The following DCDC1 variants were observed in gnomAD, a reference collection of about 807,000 sequenced individuals.
DCDC1 encodes the protein doublecortin domain containing 1, also known as doublecortin domain-containing protein 1.
A neutral mutation model predicts 178.3 loss-of-function variants in DCDC1; 200 were observed. That is an observed-to-expected ratio of 1.12 (90% CI 1.00 to 1.26). The LOEUF (loss-of-function observed/expected upper bound fraction) is 1.26, where lower values mean the gene tolerates loss of function less well. DCDC1 is among the 50% of genes most tolerant of loss of function. The pLI, the probability that DCDC1 is intolerant of heterozygous loss-of-function variation, is 0.00. For missense variants in DCDC1, 1,983 were observed against 1,749.2 expected, an observed-to-expected ratio of 1.13 and a Z score of -2.38; for synonymous variants, 690 against 604.8, an observed-to-expected ratio of 1.14 and a Z score of -2.07.
chr11:31,041,733 A>T (rs1459238073), intron 20 of DCDC1, among the ~76,000 whole-genome samples: 1 of 152,172 alleles, frequency 6.6e-6, no homozygotes, highest in Non-Finnish European at 1.5e-5. Flanking sequence ...ACACAAGAGA[A>T]AAAGAGATTT....
intron 20 of DCDC1, among the ~76,000 whole-genome samples, chr11:30,989,992 T>TA (rs1036109865): frequency 6.6e-5 from 10 of 152,014 alleles, no homozygotes; most frequent in African/African-American, 2.4e-4. Flanking sequence ...CCAAAACACT[T>TA]AGACTGGAAA....
intron 20 of DCDC1, among the ~76,000 whole-genome samples, chr11:31,056,972 C>T (rs1468347874): frequency 6.6e-6 from 1 of 152,000 alleles, no homozygotes; most frequent in Non-Finnish European, 1.5e-5. Flanking sequence ...TGGTGCATAC[C>T]TATAATTCCA....
rs1565274769 is a variant in DCDC1 at position 31,094,171 on chromosome 11, A to G, written c.1997T>C (p.Ile666Thr). 1.3e-6 allele frequency: 1 copy of G among 766,114 alleles called. No individual in the cohort carries two copies. 47.5% of individuals were successfully genotyped at this position (766,114 alleles called of 1,614,324 possible). A position where few individuals can be genotyped will look rare whatever the true frequency, so the allele number is the denominator to read the frequency against. Residue 666 changes from isoleucine to threonine, a missense_variant, in exon 16 of 39, where the codon ATT becomes ACT. Transcript: ENST00000684477. ...AATGGAAACAGAGGCATGAAGGACA[A>G]TATTGGGATCTACCTGTATCATAAG... ...HFLQNKVDPN[I>T]VLHASVSIGK...
chr11:30,956,306 G>A (rs1948769809), intron 20 of DCDC1, among the ~76,000 whole-genome samples: 1 of 152,128 alleles, frequency 6.6e-6, no homozygotes, highest in Admixed American at 6.5e-5. Context: ...AAAGTGCAAG[G>A]ATTATAGGCA....
chr11:30,880,674 C>T (rs559414229), intron 37 of DCDC1, among the ~76,000 whole-genome samples: 2 of 152,138 alleles, frequency 1.3e-5, no homozygotes, highest in Non-Finnish European at 2.9e-5. Flanking sequence ...CATTCAATAA[C>T]AAATATATGT....
At chr11:31,094,745 G>A (rs1363003440) in intron 15 of DCDC1, among the ~76,000 whole-genome samples, 1 of 152,102 alleles carries the variant, frequency 6.6e-6, no homozygotes, top group Admixed American at 6.6e-5. Context: ...AAAGTGTCAA[G>A]TGCAAAGCTA....
In DCDC1 at chr11:31,207,927, A is replaced by G. The variant is rs143869859; in HGVS notation, c.1221+33523T>C. On this transcript the variant is annotated intron_variant, in intron 9 of 38. Transcript: ENST00000684477. Reference sequence around the variant, plus strand: ...ACTTTAATCATCAGCAGTATCTGATATGCTTCATCACTCCCTCCTTAAATA... The same window carrying G: ...ACTTTAATCATCAGCAGTATCTGATGTGCTTCATCACTCCCTCCTTAAATA... 2.0e-3 allele frequency among the ~76,000 whole-genome samples: 306 copies of G among 152,274 alleles called. 4 individuals carry two copies. The highest frequency in any genetic ancestry group is 7.0e-3 in the African/African-American group (289 of 41,556).
At chr11:31,197,350 T>C (rs1381609057) in intron 9 of DCDC1, among the ~76,000 whole-genome samples, 1 of 152,142 alleles carries the variant, frequency 6.6e-6, no homozygotes, top group African/African-American at 2.4e-5. Flanking sequence ...ACAAATATCT[T>C]TCCTTTTTGC....
intron 9 of DCDC1, among the ~76,000 whole-genome samples, chr11:31,158,625 T>C (rs890773474): frequency 6.6e-6 from 1 of 152,206 alleles, no homozygotes; most frequent in Non-Finnish European, 1.5e-5. Context: ...AACAGTGAAG[T>C]ATAGCCTTTC....
intron 8 of DCDC1, among the ~76,000 whole-genome samples, chr11:31,245,343 G>C (rs538601449): frequency 5.9e-5 from 9 of 151,434 alleles, no homozygotes; most frequent in Non-Finnish European, 1.3e-4. Context: ...ATGTCTACTA[G>C]ATGAATAAAT....
chr11:30,918,006 G>T (rs901178358), intron 25 of DCDC1, among the ~76,000 whole-genome samples: 1 of 151,634 alleles, frequency 6.6e-6, no homozygotes. Context: ...ACTACAGGCA[G>T]CACAAGCGGC....
chr11:31,127,588 G>A lies in DCDC1; in HGVS notation c.1366C>T (p.His456Tyr), dbSNP rs1368953455. The A allele has an allele frequency of 7.1e-6, 5 of 702,644 alleles. No individual in the cohort carries two copies. The highest frequency in any genetic ancestry group is 5.9e-5 in the South Asian group (4 of 67,586). 43.5% of individuals were successfully genotyped at this position (702,644 alleles called of 1,614,324 possible). A position where few individuals can be genotyped will look rare whatever the true frequency, so the allele number is the denominator to read the frequency against. The change falls in exon 11 of 39, where the codon CAT becomes TAT. Residue 456 changes from histidine (H) to tyrosine (Y), a missense_variant. Coordinates refer to ENST00000684477, the MANE Select transcript of DCDC1 (RefSeq NM_001387274.1). Reference sequence around the variant, plus strand: ...AATTGGGGGCCAAGTTTACAGAGATGACCTATGTTACTTTTGATAGCTGTC... The same window carrying A: ...AATTGGGGGCCAAGTTTACAGAGATAACCTATGTTACTTTTGATAGCTGTC... ...LQTAIKSNIG[H>Y]LCKLGPQLQA... is the part of the protein sequence containing the mutation.
chr11:31,098,072 A>G (rs1958265205), intron 15 of DCDC1, among the ~76,000 whole-genome samples: 1 of 152,204 alleles, frequency 6.6e-6, no homozygotes, highest in African/African-American at 2.4e-5. Context: ...CTGTGAAGCC[A>G]TGTACTGAAA....
chr11:31,090,981 G>A (rs1461090244), intron 17 of DCDC1, among the ~76,000 whole-genome samples: 1 of 152,068 alleles, frequency 6.6e-6, no homozygotes, highest in African/African-American at 2.4e-5. Flanking sequence ...TCCGTTACAA[G>A]CCAGCATTTT....
chr11:31,102,638 G>A (rs1431561053), intron 14 of DCDC1, among the ~76,000 whole-genome samples: 2 of 152,202 alleles, frequency 1.3e-5, no homozygotes, highest in Admixed American at 1.3e-4. Context: ...GTTATAGCTA[G>A]GTGGGAACTT....
At chr11:31,150,677 A>G (rs897803739) in intron 9 of DCDC1, among the ~76,000 whole-genome samples, 1 of 152,140 alleles carries the variant, frequency 6.6e-6, no homozygotes, top group Admixed American at 6.5e-5. Flanking sequence ...GTCACCCACC[A>G]ATATATCTAA....
At chr11:30,914,549 T>C (rs1945685409) in intron 27 of DCDC1, among the ~76,000 whole-genome samples, 1 of 150,466 alleles carries the variant, frequency 6.6e-6, no homozygotes, top group Non-Finnish European at 1.5e-5. Flanking sequence ...ATCACACTAA[T>C]GGTAGAATTT....
chr11:31,183,375 G>C (rs1174725509), intron 9 of DCDC1, among the ~76,000 whole-genome samples: 2 of 152,008 alleles, frequency 1.3e-5, no homozygotes, highest in Non-Finnish European at 2.9e-5. Flanking sequence ...AATGCAGAAT[G>C]GAAATCATAA....
Position 31,307,627 on chromosome 11 carries a change from A to C in DCDC1, c.434+12T>G. The stretch of plus-strand genomic sequence containing the variant: ...CAATAGGTTAAAAAGAACAGAGAAC[A>C]GCTTTGATTACCTCAGTTGACCCAC... On this transcript the variant is annotated intron_variant, in intron 4 of 38. Transcript: ENST00000684477. The C allele has an allele frequency of 6.2e-7, 1 of 1,613,278 alleles. No individual in the cohort carries two copies. Among genetic ancestry groups the C allele is most frequent in the East Asian group, 2.2e-5 (1 of 44,874 alleles).
Sources: gnomAD v4.1 joint callset for allele counts (sites outside exome capture counted in the v4.1 genomes callset) on GRCh38, gnomAD v4.1.1 for gene constraint, MANE v1.5 for transcripts, NCBI Gene and HGNC (gene_info 2026-07-23, HGNC 2026-07-21) for gene names.